Variants in AP2A2 observed in about 807,000 individuals in gnomAD.
The protein encoded by AP2A2 is adaptor related protein complex 2 subunit alpha 2.
A neutral mutation model predicts 104.2 loss-of-function variants in AP2A2; 32 were observed. The observed-to-expected ratio is 0.31, with a 90% confidence interval of 0.23 to 0.41. The LOEUF is 0.41. AP2A2 is among the 10% of genes least tolerant of loss of function. AP2A2 has a pLI of 1.00. For missense variants in AP2A2, 912 were observed against 1,261.0 expected (o/e 0.72, Z 4.19); for synonymous variants, 539 against 533.3 (o/e 1.01, Z -0.15).
chr11:997,947 G>C (rs372621356), intron 14 of AP2A2, among the ~76,000 whole-genome samples: 4 of 152,336 alleles, frequency 2.6e-5, no homozygotes, highest in African/African-American at 9.6e-5. Flanking sequence ...AGATGTATTT[G>C]AATCAGTGCA....
At chr11:995,423 G>T (rs1240520864) in intron 14 of AP2A2, 3 of 455,640 alleles carry the variant, frequency 6.6e-6, no homozygotes, top group Non-Finnish European at 1.3e-5. Context: ...GAGGGCTCCT[G>T]TCGGGGTCAG....
intron 1 of AP2A2, among the ~76,000 whole-genome samples, chr11:937,510 A>T (rs1204842343): frequency 1.3e-5 from 2 of 152,176 alleles, no homozygotes; most frequent in Non-Finnish European, 2.9e-5. Flanking sequence ...TGGGAGGCTG[A>T]GGTGGGAGGA....
chr11:971,729 G>C (rs1854835977), intron 3 of AP2A2, among the ~76,000 whole-genome samples: 1 of 152,202 alleles, frequency 6.6e-6, no homozygotes, highest in Non-Finnish European at 1.5e-5. Context: ...AGGATAGTGT[G>C]ATGTCCGGAA....
intron 3 of AP2A2, 59 bp from the exon 4 acceptor site, chr11:972,003 G>T: frequency 6.7e-7 from 1 of 1,502,286 alleles, no homozygotes; most frequent in Non-Finnish European, 9.0e-7. Flanking sequence ...GGTGACTCAG[G>T]GCCACAGGTG....
chr11:984,881 T>C, intron 7 of AP2A2, 128 bp downstream of exon 7: 1 of 817,876 alleles, frequency 1.2e-6, no homozygotes, highest in Non-Finnish European at 2.0e-6. Flanking sequence ...CATGGACCTT[T>C]CTGCCAGTGC....
intron 1 of AP2A2, among the ~76,000 whole-genome samples, chr11:955,957 C>T (rs893561750): frequency 3.9e-5 from 6 of 152,120 alleles, no homozygotes; most frequent in African/African-American, 1.4e-4. Flanking sequence ...TGGGTTGCTG[C>T]AGAGGCCTTT....
Position 993,713 on chromosome 11 carries a change from G to T in AP2A2, c.1551-41G>T. On this transcript the variant is annotated intron_variant, in intron 12 of 21. Transcript: ENST00000448903. The surrounding 1 kb of genome is among the most constrained non-coding windows in gnomAD (Gnocchi z 8.2). ...CGCGGGGGCGTGCTGCAGCCTGCGA[G>T]GGGACGACGGTGTCCCTGTGTTGTG... The T allele has an allele frequency of 6.7e-7, 1 of 1,492,520 alleles. No homozygotes were observed. The highest frequency in any genetic ancestry group is 1.2e-5 in the South Asian group (1 of 81,866). 92.5% of individuals were successfully genotyped at this position (1,492,520 alleles called of 1,614,324 possible). A position where few individuals can be genotyped will look rare whatever the true frequency, so the allele number is the denominator to read the frequency against.
chr11:962,963 T>C (rs1296473101), intron 2 of AP2A2, among the ~76,000 whole-genome samples: 1 of 152,022 alleles, frequency 6.6e-6, no homozygotes, highest in Non-Finnish European at 1.5e-5. Context: ...CAGCTGTGGG[T>C]AGATGAGATG....
rs909162359 is a variant in AP2A2 at position 926,159 on chromosome 11, C to A, written c.67+71C>A. 4.4e-6 allele frequency: 4 copies of A among 901,676 alleles called. No individual in the cohort carries two copies. The South Asian group carries it at 1.9e-4, about 43-fold the overall frequency. 55.9% of individuals were successfully genotyped at this position (901,676 alleles called of 1,614,324 possible). A position where few individuals can be genotyped will look rare whatever the true frequency, so the allele number is the denominator to read the frequency against. ...GAGACGGGGTCTGGGAGCGGAGGCC[C>A]GGGGCGGGGCCTCGAGGCGGGGGTG... On this transcript the variant is annotated intron_variant, in intron 1 of 21. Coordinates refer to ENST00000448903, the MANE Select transcript of AP2A2 (RefSeq NM_012305.4).
At chr11:929,197 A>G (rs1853211116) in intron 1 of AP2A2, among the ~76,000 whole-genome samples, 1 of 152,144 alleles carries the variant, frequency 6.6e-6, no homozygotes, top group African/African-American at 2.4e-5. Context: ...CTTGACCTCC[A>G]TGTCACAGGC....
intron 16 of AP2A2, among the ~76,000 whole-genome samples, chr11:1,005,169 G>A (rs758913964): frequency 5.3e-5 from 8 of 152,254 alleles, no homozygotes; most frequent in Non-Finnish European, 8.8e-5. Flanking sequence ...ACGGCAGAAA[G>A]GAATGAAATT....
At chr11:983,138 C>T (rs1855310654) in intron 6 of AP2A2, among the ~76,000 whole-genome samples, 3 of 150,824 alleles carry the variant, frequency 2.0e-5, no homozygotes, top group Admixed American at 2.0e-4. Flanking sequence ...CTACCTCAGC[C>T]TCCCGAGTAG....
At chr11:958,022 G>A (rs577430473) in intron 1 of AP2A2, among the ~76,000 whole-genome samples, 2 of 152,300 alleles carry the variant, frequency 1.3e-5, no homozygotes, top group South Asian at 4.1e-4. Context: ...AGTTGCCTCC[G>A]TGGCTCCACC....
intron 10 of AP2A2, among the ~76,000 whole-genome samples, chr11:991,274 C>T (rs1399539211): frequency 6.6e-6 from 1 of 152,254 alleles, no homozygotes; most frequent in Non-Finnish European, 1.5e-5. Context: ...CTACTCGGCA[C>T]CTTGCCATCC....
chr11:937,819 C>T (rs1283195323), intron 1 of AP2A2, among the ~76,000 whole-genome samples: 1 of 152,222 alleles, frequency 6.6e-6, no homozygotes. Flanking sequence ...GCTTCACCAT[C>T]ACAAATTGGA....
chr11:997,883 T>C (rs939032440), intron 14 of AP2A2, among the ~76,000 whole-genome samples: 6 of 152,062 alleles, frequency 3.9e-5, no homozygotes, highest in South Asian at 2.1e-4. Flanking sequence ...CCAGCCTGGG[T>C]AACAGAGTGA....
At chr11:958,910 G>A (rs1156305075) in intron 1 of AP2A2, among the ~76,000 whole-genome samples, 2 of 152,298 alleles carry the variant, frequency 1.3e-5, no homozygotes, top group East Asian at 1.9e-4. Context: ...TGAAGGATGC[G>A]TGTTGCAGAG....
intron 14 of AP2A2, 99 bp downstream of exon 14, chr11:994,344 G>A (rs1855769054): frequency 2.1e-6 from 3 of 1,460,302 alleles, no homozygotes; most frequent in Non-Finnish European, 2.8e-6. Flanking sequence ...AGCATGTACT[G>A]AGAACCCAGG....
chr11:955,530 A>T (rs1854206838), intron 1 of AP2A2, among the ~76,000 whole-genome samples: 1 of 152,038 alleles, frequency 6.6e-6, no homozygotes, highest in Non-Finnish European at 1.5e-5. Context: ...GGGAAGAGAG[A>T]CTGACTGGGA....
Sources: gnomAD v4.1 joint callset for allele counts (sites outside exome capture counted in the v4.1 genomes callset) on GRCh38, gnomAD v4.1.1 for gene constraint, Gnocchi (gnomAD v3.1) non-coding constraint, MANE v1.5 for transcripts, NCBI Gene and HGNC (gene_info 2026-07-23, HGNC 2026-07-21) for gene names.